STXBP4: variants seen among roughly 807,000 people sequenced by gnomAD.
STXBP4 encodes syntaxin binding protein 4.
Under a neutral mutation model 76.1 loss-of-function variants are expected in STXBP4, and 55 were observed. That is an observed-to-expected ratio of 0.72 (90% CI 0.58 to 0.91). STXBP4 has a LOEUF of 0.91. STXBP4 is among the 40% of genes least tolerant of loss of function. STXBP4 has a pLI of 0.00. For missense variants in STXBP4, 618 were observed against 636.9 expected, an observed-to-expected ratio of 0.97 and a Z score of 0.32; for synonymous variants, 201 against 220.2, an observed-to-expected ratio of 0.91 and a Z score of 0.77.
Position 55,161,391 on chromosome 17 carries a change from A to G in STXBP4, c.*1480A>G, listed in dbSNP as rs1181344402. 2.0e-5 allele frequency: 3 copies of G among 152,234 alleles called. No homozygotes were observed. The highest frequency in any genetic ancestry group is 6.5e-5 in the Admixed American group (1 of 15,288). 9.4% of individuals were successfully genotyped at this position (152,234 alleles called of 1,614,324 possible). A position where few individuals can be genotyped will look rare whatever the true frequency, so the allele number is the denominator to read the frequency against. On this transcript the variant is annotated 3_prime_UTR_variant, in exon 18 of 18. Transcript: ENST00000376352. ...GGAGACAAGTTTTGAGAGAAGCCCCAGAGGGAGCTATTTCCTTGCACCCCC... is the reference window on the plus strand; with the variant it reads ...GGAGACAAGTTTTGAGAGAAGCCCCGGAGGGAGCTATTTCCTTGCACCCCC...
At chr17:54,976,845 T>C (rs2144296363) in intron 1 of STXBP4, among the ~76,000 whole-genome samples, 2 of 152,208 alleles carry the variant, frequency 1.3e-5, no homozygotes, top group Middle Eastern at 6.8e-3. Flanking sequence ...AAAATTGTCT[T>C]CCACAAAACT....
chr17:55,077,932 A>G lies in STXBP4; in HGVS notation c.1189-146A>G, dbSNP rs753515715. Reference sequence around the variant, plus strand: ...AACTTTTAAATATGCAGTTAGTTACATGCCCCCCAAAATCAAAACATATGT... The same window carrying G: ...AACTTTTAAATATGCAGTTAGTTACGTGCCCCCCAAAATCAAAACATATGT... On this transcript the variant is annotated intron_variant, in intron 13 of 17. Transcript: ENST00000376352. 3.8e-4 allele frequency: 187 copies of G among 490,828 alleles called. 1 individual carries two copies. Among genetic ancestry groups the G allele is most frequent in the Middle Eastern group, 5.6e-4 (1 of 1,794 alleles). 30.4% of individuals were successfully genotyped at this position (490,828 alleles called of 1,614,324 possible). A position where few individuals can be genotyped will look rare whatever the true frequency, so the allele number is the denominator to read the frequency against.
intron 1 of STXBP4, among the ~76,000 whole-genome samples, chr17:54,974,967 T>G (rs906451306): frequency 6.6e-6 from 1 of 152,224 alleles, no homozygotes; most frequent in African/African-American, 2.4e-5. Context: ...TGGTAAGATC[T>G]GTATGTTGCC....
chr17:55,132,214 C>T (rs185080109), intron 16 of STXBP4, among the ~76,000 whole-genome samples: 5 of 152,312 alleles, frequency 3.3e-5, no homozygotes, highest in Admixed American at 1.3e-4. Context: ...TTATTTGAGA[C>T]GGAGTCTCGC....
the STXBP4 span, among the ~76,000 whole-genome samples, chr17:55,187,140 T>C: frequency 6.6e-6 from 1 of 152,194 alleles, no homozygotes; most frequent in East Asian, 1.9e-4. Flanking sequence ...ATTGCCGTCA[T>C]TAATGCACAC....
chr17:54,986,232 A>T lies in STXBP4; in HGVS notation c.13A>T (p.Thr5Ser). The change falls in exon 3 of 18, where the codon ACA becomes TCA. Residue 5 changes from threonine (T) to serine (S), a missense_variant. Coordinates refer to ENST00000376352, the MANE Select transcript of STXBP4 (RefSeq NM_178509.6). The stretch of plus-strand genomic sequence containing the variant: ...CTTTGGTGAAAGCATGAATAAAAAT[A>T]CATCTACTGTAGTATCACCCAGTCT... MNKNTSTVVSPSLLE... is the reference protein window; with the variant it reads MNKNSSTVVSPSLLE... The T allele has an allele frequency of 3.1e-6, 5 of 1,603,730 alleles. No individual in the cohort carries two copies. The highest frequency in any genetic ancestry group is 4.3e-6 in the Non-Finnish European group (5 of 1,175,354).
chr17:55,211,292 T>C, the STXBP4 span, among the ~76,000 whole-genome samples: 1 of 152,102 alleles, frequency 6.6e-6, no homozygotes, highest in African/African-American at 2.4e-5. Context: ...CAGGCTGGAG[T>C]GCAGTGGCGA....
At chr17:55,000,196 T>C (rs762265695) in intron 6 of STXBP4, 18 of 985,164 alleles carry the variant, frequency 1.8e-5, no homozygotes, top group Non-Finnish European at 2.0e-5. Context: ...AGTGAGGCCA[T>C]CTTCCTTTTT....
intron 16 of STXBP4, among the ~76,000 whole-genome samples, chr17:55,134,875 C>T (rs1157845642): frequency 2.6e-5 from 4 of 152,020 alleles, no homozygotes; most frequent in Non-Finnish European, 5.9e-5. Context: ...ATATAAATGC[C>T]CAGAAACAAC....
chr17:55,028,699 A>T (rs1300938949), intron 8 of STXBP4, among the ~76,000 whole-genome samples: 1 of 152,210 alleles, frequency 6.6e-6, no homozygotes, highest in African/African-American at 2.4e-5. Context: ...ATAATTTGTG[A>T]GTCAAAAACA....
At chr17:55,042,155 G>T (rs1442039850) in intron 10 of STXBP4, among the ~76,000 whole-genome samples, 1 of 152,132 alleles carries the variant, frequency 6.6e-6, no homozygotes, top group Non-Finnish European at 1.5e-5. Context: ...CTGGAGTTTG[G>T]AAAGCAAATA....
chr17:55,107,546 T>G lies in STXBP4; in HGVS notation c.1489+26363T>G, dbSNP rs568717472. On this transcript the variant is annotated intron_variant, in intron 16 of 17. Transcript: ENST00000376352. ...TGGTTTTTGGAATTTTCAGCCTTTT[T>G]GCACTGGTTTTTCCACGTCTTCGTT... 4.6e-5 allele frequency among the ~76,000 whole-genome samples: 7 copies of G among 152,376 alleles called. No homozygotes were observed. In the East Asian group the frequency reaches 1.4e-3, roughly 29 times the overall value.
chr17:55,193,810 T>A, the STXBP4 span, among the ~76,000 whole-genome samples: 1 of 93,666 alleles, frequency 1.1e-5, no homozygotes. Context: ...CAAGACCTGA[T>A]TTCAGAAAAA....
At chr17:55,077,965 G>A in intron 13 of STXBP4, 113 bp from the exon 14 acceptor site, 2 of 671,764 alleles carry the variant, frequency 3.0e-6, no homozygotes. Flanking sequence ...TGTACAGTAA[G>A]AGAAAAAGAT....
chr17:55,118,257 C>T (rs901170897), intron 16 of STXBP4, among the ~76,000 whole-genome samples: 2 of 151,808 alleles, frequency 1.3e-5, no homozygotes, highest in African/African-American at 4.8e-5. Context: ...GGAGGAAGGA[C>T]AAGAAAAGTC....
intron 17 of STXBP4, among the ~76,000 whole-genome samples, chr17:55,145,700 T>G (rs1461426419): frequency 6.6e-6 from 1 of 151,990 alleles, no homozygotes; most frequent in Non-Finnish European, 1.5e-5. Flanking sequence ...TTTCATAGAA[T>G]TAATAAACAT....
At chr17:55,067,836 A>G (rs1298981374) in intron 12 of STXBP4, among the ~76,000 whole-genome samples, 1 of 152,178 alleles carries the variant, frequency 6.6e-6, no homozygotes, top group African/African-American at 2.4e-5. Context: ...ATTACATTAT[A>G]AATGAAGACT....
intron 12 of STXBP4, among the ~76,000 whole-genome samples, chr17:55,072,247 G>A (rs753191518): frequency 6.6e-5 from 10 of 152,092 alleles, no homozygotes; most frequent in Non-Finnish European, 1.3e-4. Flanking sequence ...ATGTTTTTTA[G>A]TAATGTCTTT....
intron 16 of STXBP4, among the ~76,000 whole-genome samples, chr17:55,081,743 C>T (rs2079257844): frequency 6.6e-6 from 1 of 152,102 alleles, no homozygotes; most frequent in South Asian, 2.1e-4. Flanking sequence ...CTGGCTCAGG[C>T]ATATCCTCCT....
Sources: allele counts gnomAD v4.1 joint callset (sites outside exome capture counted in the v4.1 genomes callset), GRCh38; gene constraint gnomAD v4.1.1; transcripts MANE v1.5; gene names NCBI Gene and HGNC (gene_info 2026-07-23, HGNC 2026-07-21).